Variants in ST7 observed in about 807,000 individuals in gnomAD.
ST7 encodes the protein suppression of tumorigenicity 7.
A neutral mutation model predicts 78.7 loss-of-function variants in ST7; 28 were observed. That is an observed-to-expected ratio of 0.36 (90% CI 0.26 to 0.49). The LOEUF is 0.49. ST7 is among the 20% of genes least tolerant of loss of function. ST7 has a pLI of 0.99. For missense variants in ST7, 418 were observed against 696.0 expected (o/e 0.60, Z 4.49); for synonymous variants, 247 against 249.6 (o/e 0.99, Z 0.10).
At chr7:117,018,997 T>A (rs1416305478) in intron 1 of ST7, among the ~76,000 whole-genome samples, 1 of 152,230 alleles carries the variant, frequency 6.6e-6, no homozygotes, top group African/African-American at 2.4e-5. Flanking sequence ...AGATCCTACA[T>A]ATACTGACCA....
chr7:117,209,723 T>C, intron 12 of ST7, 64 bp from the exon 13 acceptor site: 1 of 1,555,716 alleles, frequency 6.4e-7, no homozygotes, highest in Non-Finnish European at 8.7e-7. Context: ...ACTGCTCTAT[T>C]TTCAATACTG....
At chr7:117,177,866 T>A (rs1808459614) in intron 10 of ST7, among the ~76,000 whole-genome samples, 1 of 152,242 alleles carries the variant, frequency 6.6e-6, no homozygotes, top group South Asian at 2.1e-4. Flanking sequence ...GTATGTCTAT[T>A]GTTTTCTTTA....
At chr7:117,144,560 T>G (rs987885100) in intron 9 of ST7, among the ~76,000 whole-genome samples, 3 of 149,478 alleles carry the variant, frequency 2.0e-5, no homozygotes, top group African/African-American at 7.5e-5. Flanking sequence ...CTGAGCCTGG[T>G]AGGTCAAGGC....
Position 117,209,983 on chromosome 7 carries a change from G to A in ST7, c.1405+46G>A, listed in dbSNP as rs192633715. The A allele has an allele frequency of 3.5e-5, 56 of 1,592,786 alleles. No homozygotes were observed. In the Admixed American group the frequency reaches 7.8e-4, roughly 22 times the overall value. On this transcript the variant is annotated intron_variant, in intron 13 of 15. Coordinates refer to ENST00000323984, the MANE Select transcript of ST7 (RefSeq NM_001369598.1). ...GAAACATTTTTAAGAGCATGAAAAGGTGCTAAAATGTTTTTGCACTGTTTA... is the reference window on the plus strand; with the variant it reads ...GAAACATTTTTAAGAGCATGAAAAGATGCTAAAATGTTTTTGCACTGTTTA...
At chr7:117,079,484 AAAT>A (rs1423767740) in intron 1 of ST7, among the ~76,000 whole-genome samples, 4 of 152,232 alleles carry the variant, frequency 2.6e-5, no homozygotes, top group Non-Finnish European at 2.9e-5. Context: ...ATACACATAT[AAAT>A]ACTTTTTCTC....
intron 9 of ST7, among the ~76,000 whole-genome samples, chr7:117,152,181 A>ATATATATG (rs1806315415): frequency 2.7e-5 from 1 of 36,944 alleles, no homozygotes; most frequent in Non-Finnish European, 4.8e-5. Flanking sequence ...TAAAAACTAT[A>ATATATATG]TATATATATA....
chr7:117,216,349 C>G (rs1187670227), intron 13 of ST7, among the ~76,000 whole-genome samples: 1 of 152,102 alleles, frequency 6.6e-6, no homozygotes, highest in Non-Finnish European at 1.5e-5. Flanking sequence ...AGTGGCCTAA[C>G]TTTTTTGTTT....
chr7:117,175,010 C>T (rs1480895182), intron 10 of ST7, among the ~76,000 whole-genome samples: 1 of 152,228 alleles, frequency 6.6e-6, no homozygotes, highest in African/African-American at 2.4e-5. Flanking sequence ...TGCAGAATTT[C>T]AGTGACGCCT....
intron 1 of ST7, among the ~76,000 whole-genome samples, chr7:116,998,368 C>G (rs1563002096): frequency 1.3e-5 from 2 of 152,334 alleles, no homozygotes; most frequent in Admixed American, 1.3e-4. Context: ...TGGTTCCTGC[C>G]TGCACCTCTC....
chr7:117,154,112 C>T (rs1706279269), intron 9 of ST7, among the ~76,000 whole-genome samples: 1 of 152,158 alleles, frequency 6.6e-6, no homozygotes, highest in African/African-American at 2.4e-5. Context: ...TGCCAAAGCT[C>T]CTCTCCCCAC....
At chr7:117,117,342 G>A (rs117932300) in intron 2 of ST7, among the ~76,000 whole-genome samples, 7,557 of 152,226 alleles carry the variant, frequency 0.05, 252 homozygotes, top group Middle Eastern at 0.11. Flanking sequence ...GACTTGTAGT[G>A]GCAGGGGCTA....
At chr7:117,206,233 G>A (rs1791740423) in intron 12 of ST7, among the ~76,000 whole-genome samples, 1 of 152,316 alleles carries the variant, frequency 6.6e-6, no homozygotes, top group South Asian at 2.1e-4. Flanking sequence ...TTGTTTCCTT[G>A]ATGTATTGCT....
At chr7:117,090,574 A>G (rs966689192) in intron 1 of ST7, 3 of 152,994 alleles carry the variant, frequency 2.0e-5, no homozygotes, top group African/African-American at 4.8e-5. Context: ...CAATGTAACT[A>G]TGTGGAAGGT....
rs144973249 is a variant in ST7, at chr7:117,130,596, C to T, written c.555C>T (p.Pro185=). 4.2e-5 allele frequency: 67 copies of T among 1,608,946 alleles called. No homozygotes were observed. Among genetic ancestry groups the T allele is most frequent in the Admixed American group, 8.4e-5 (5 of 59,356 alleles). ...CTTGTGACTCGGACCATCTGCGTCC[C>T]GCAGATGCAAGTATGAAAAATCCAT... ...FFTCDSDHLR[P]ADAIMQKAWR... The change falls in exon 5 of 16, where the codon CCC becomes CCT. Residue 185 remains proline, a synonymous_variant. Coordinates refer to ENST00000323984, the MANE Select transcript of ST7 (RefSeq NM_001369598.1).
At chr7:117,069,456 T>G (rs1798811029) in intron 1 of ST7, among the ~76,000 whole-genome samples, 2 of 152,244 alleles carry the variant, frequency 1.3e-5, no homozygotes, top group South Asian at 4.1e-4. Context: ...AATACTGGAA[T>G]TTAAATGCCA....
chr7:117,015,508 G>T (rs954411729), intron 1 of ST7, among the ~76,000 whole-genome samples: 2 of 152,150 alleles, frequency 1.3e-5, no homozygotes, highest in Non-Finnish European at 2.9e-5. Flanking sequence ...AATGTGCCCA[G>T]ATTTTTCTGA....
intron 1 of ST7, among the ~76,000 whole-genome samples, chr7:117,045,077 C>T (rs1458154292): frequency 1.3e-5 from 2 of 152,128 alleles, no homozygotes; most frequent in African/African-American, 4.8e-5. Context: ...GTGTTGTTGA[C>T]TTTACCTTCA....
chr7:117,218,689 G>A (rs538732384), intron 13 of ST7, among the ~76,000 whole-genome samples: 1 of 152,114 alleles, frequency 6.6e-6, no homozygotes, highest in East Asian at 1.9e-4. Context: ...CCAACAAGTC[G>A]ATCCACATTT....
chr7:117,209,197 T>C lies in ST7; in HGVS notation c.1255-590T>C, dbSNP rs998452083. 2.0e-5 allele frequency among the ~76,000 whole-genome samples: 3 copies of C among 152,248 alleles called. No individual in the cohort carries two copies. In the East Asian group the frequency reaches 5.8e-4, roughly 29 times the overall value. On this transcript the variant is annotated intron_variant, in intron 12 of 15. Coordinates refer to ENST00000323984, the MANE Select transcript of ST7 (RefSeq NM_001369598.1). ...ATCCCCTACCCCAACTCCCTAGTCT[T>C]CGGGAAAGGATCGAAGAGTGTCACA...
Sources: gnomAD v4.1 joint callset for allele counts (sites outside exome capture counted in the v4.1 genomes callset) on GRCh38, gnomAD v4.1.1 for gene constraint, MANE v1.5 for transcripts, NCBI Gene and HGNC (gene_info 2026-07-23, HGNC 2026-07-21) for gene names.